Variants in NPAP1 observed in about 807,000 individuals in gnomAD.
NPAP1 encodes nuclear pore-associated protein 1.
For synonymous variants in NPAP1, 616 were observed against 581.4 expected, an observed-to-expected ratio of 1.06 and a Z score of -0.86; for missense variants, 1,483 against 1,454.5, an observed-to-expected ratio of 1.02 and a Z score of -0.32.
Position 24,677,999 on chromosome 15 carries a change from T to C in NPAP1, c.2132T>C (p.Leu711Ser), listed in dbSNP as rs2141311592. The C allele has an allele frequency of 6.2e-7, 1 of 1,614,108 alleles. No individual in the cohort carries two copies. Among genetic ancestry groups the C allele is most frequent in the Middle Eastern group, 1.6e-4 (1 of 6,062 alleles). Residue 711 changes from leucine (L) to serine (S), a missense_variant, in exon 1 of 1, where the codon TTG becomes TCG. Physicochemically the swap from Leu to Ser is moderately radical, Grantham distance 145. Coordinates refer to ENST00000329468, the MANE Select transcript of NPAP1 (RefSeq NM_018958.3). ...ACTCCTCCTTCCAAGGCTGTCATCT[T>C]GCAGTCTGCCTCTGTCTCCAAGAAG... is the stretch of plus-strand genomic sequence containing the variant. ...HTTPPSKAVILQSASVSKKYL... is the reference protein window; with the variant it reads ...HTTPPSKAVISQSASVSKKYL...
At position 24,676,301 on chromosome 15, in the gene NPAP1, T is replaced by C. The variant is rs2141307718; in HGVS notation, c.434T>C (p.Leu145Pro). ...GCCAGGAAGCCCATCCCAGCCACTC[T>C]CCTGGAGGAGACCGAGGTGTGGGCC... ...VKARKPIPAT[L>P]LEETEVWAQE... The change falls in exon 1 of 1, where the codon CTC becomes CCC. Residue 145 changes from leucine to proline, a missense_variant. Transcript: ENST00000329468. 6.6e-7 allele frequency: 1 copy of C among 1,523,094 alleles called. No individual in the cohort carries two copies. Among genetic ancestry groups the C allele is most frequent in the Non-Finnish European group, 8.8e-7 (1 of 1,138,148 alleles). 94.3% of individuals were successfully genotyped at this position (1,523,094 alleles called of 1,614,324 possible).
rs752566613 is a variant in NPAP1 at position 24,679,088 on chromosome 15, G to A, written c.3221G>A (p.Ser1074Asn). The A allele has an allele frequency of 6.2e-7, 1 of 1,614,198 alleles. No homozygotes were observed. The highest frequency in any genetic ancestry group is 8.5e-7 in the Non-Finnish European group (1 of 1,180,044). ...HSMAAAPQGASNIPVFGYTSA... is the reference protein window; with the variant it reads ...HSMAAAPQGANNIPVFGYTSA... ...ATGGCTGCTGCACCACAAGGGGCTA[G>A]CAACATTCCTGTATTTGGATATACT... The change falls in exon 1 of 1, where the codon AGC (serine) becomes AAC (asparagine). Residue 1074 changes from serine to asparagine, a missense_variant. Transcript: ENST00000329468.
At position 24,676,993 on chromosome 15, in the gene NPAP1, A is replaced by G. The variant is rs773205294; in HGVS notation, c.1126A>G (p.Lys376Glu). 7 of 1,613,810 alleles carry G rather than the reference A, an allele frequency of 4.3e-6. No individual in the cohort carries two copies. Among genetic ancestry groups the G allele is most frequent in the Non-Finnish European group, 5.9e-6 (7 of 1,180,032 alleles). ...LHTLEKSPEY[K>E]RNSRILEDKT... is the part of the protein sequence containing the mutation. The stretch of plus-strand genomic sequence containing the variant: ...CACCTTGGAGAAGAGCCCTGAGTAT[A>G]AAAGGAATAGCAGAATCTTGGAGGA... Residue 376 changes from lysine to glutamate, a missense_variant, in exon 1 of 1, where the codon AAA (lysine) becomes GAA (glutamate). Lys to Glu is a moderately conservative substitution (Grantham distance 56, BLOSUM62 1). Transcript: ENST00000329468.
the NPAP1 span, chr15:24,676,524 CAGCATGAGTGAGA>C: frequency 6.2e-7 from 1 of 1,614,152 alleles, no homozygotes; most frequent in Non-Finnish European, 8.5e-7. Context: ...TCTCAGAAAA[CAGCATGAGTGAGA>C]AGGCCCAGGC....
Position 24,681,519 on chromosome 15 carries a change from A to C in NPAP1, c.*2181A>C, listed in dbSNP as rs2049016427. The C allele has an allele frequency of 6.0e-6, 1 of 166,932 alleles. No homozygotes were observed. Among genetic ancestry groups the C allele is most frequent in the Non-Finnish European group, 1.5e-5 (1 of 68,120 alleles). 10.3% of individuals were successfully genotyped at this position (166,932 alleles called of 1,614,324 possible). On this transcript the variant is annotated 3_prime_UTR_variant, in exon 1 of 1. Coordinates refer to ENST00000329468, the MANE Select transcript of NPAP1 (RefSeq NM_018958.3). ...TGGGGAGGTGATTAGGTTTAGATGAAGTCATGAAAATGAAACCCCCATGAT... is the reference window on the plus strand; with the variant it reads ...TGGGGAGGTGATTAGGTTTAGATGACGTCATGAAAATGAAACCCCCATGAT...
chr15:24,676,181 C>T lies in NPAP1; in HGVS notation c.314C>T (p.Pro105Leu), dbSNP rs547726384. 27 of 1,571,972 alleles carry T rather than the reference C, an allele frequency of 1.7e-5. No homozygotes were observed. The South Asian group carries it at 3.1e-4, about 18-fold the overall frequency. ...RKTPMLPARN[P>L]PRFGHPSSVR... ...ACACCCATGCTGCCTGCTCGGAACC[C>T]CCCGAGGTTTGGACACCCCAGTTCC... Residue 105 changes from proline to leucine, a missense_variant, in exon 1 of 1, where the codon CCC becomes CTC. Physicochemically the swap from Pro to Leu is moderately conservative, Grantham distance 98. Coordinates refer to ENST00000329468, the MANE Select transcript of NPAP1 (RefSeq NM_018958.3).
rs1294396014 is a variant in NPAP1 at position 24,677,704 on chromosome 15, C to T, written c.1837C>T (p.His613Tyr). 1 of 1,614,062 alleles carries T rather than the reference C, an allele frequency of 6.2e-7. No individual in the cohort carries two copies. The highest frequency in any genetic ancestry group is 1.3e-5 in the African/African-American group (1 of 74,924). ...AATACATTGCAGTGCAGAGCAGAGGCACCCGGGAAAGACATCAGTCTACAC... is the reference window on the plus strand; with the variant it reads ...AATACATTGCAGTGCAGAGCAGAGGTACCCGGGAAAGACATCAGTCTACAC... ...SQIHCSAEQR[H>Y]PGKTSVYTSP... Residue 613 changes from histidine to tyrosine, a missense_variant, in exon 1 of 1, where the codon CAC (histidine) becomes TAC (tyrosine). His to Tyr is a moderately conservative substitution (Grantham distance 83, BLOSUM62 2). Transcript: ENST00000329468.
In NPAP1 at chr15:24,677,042, G is replaced by A. The variant is rs769296954; in HGVS notation, c.1175G>A (p.Ser392Asn). The A allele has an allele frequency of 1.2e-6, 2 of 1,613,848 alleles. No individual in the cohort carries two copies. Among genetic ancestry groups the A allele is most frequent in the African/African-American group, 2.7e-5 (2 of 74,878 alleles). ...LEDKTETMTNSSITQPAPSFS... is the reference protein window; with the variant it reads ...LEDKTETMTNNSITQPAPSFS... ...GATAAAACAGAGACCATGACAAACA[G>A]CAGCATCACCCAGCCTGCCCCTTCT... The change falls in exon 1 of 1, where the codon AGC becomes AAC. Residue 392 changes from serine (S) to asparagine (N), a missense_variant. Coordinates refer to ENST00000329468, the MANE Select transcript of NPAP1 (RefSeq NM_018958.3).
In NPAP1 at chr15:24,680,866, G is replaced by C. The variant is rs1194415725; in HGVS notation, c.*1528G>C. On this transcript the variant is annotated 3_prime_UTR_variant, in exon 1 of 1. Coordinates refer to ENST00000329468, the MANE Select transcript of NPAP1 (RefSeq NM_018958.3). ...TGGAAATTATCTGGTAAATTAGCCAGTAACGAATGCTATGAAAAATAAAGA... is the reference window on the plus strand; with the variant it reads ...TGGAAATTATCTGGTAAATTAGCCACTAACGAATGCTATGAAAAATAAAGA... 1.2e-5 allele frequency: 2 copies of C among 166,980 alleles called. No homozygotes were observed. The highest frequency in any genetic ancestry group is 2.9e-5 in the Non-Finnish European group (2 of 68,120). The allele number at this position is 166,980 out of a possible 1,614,324, so 10.3% of individuals were successfully genotyped here. A position where few individuals can be genotyped will look rare whatever the true frequency, so the allele number is the denominator to read the frequency against.
At position 24,678,722 on chromosome 15, in the gene NPAP1, A is replaced by G. The variant is rs1001161563; in HGVS notation, c.2855A>G (p.Tyr952Cys). ...PPGFAELTSP[Y>C]TALGTPVNAE... ...GGTTTTGCAGAGTTAACATCACCAT[A>G]TACTGCATTGGGCACACCTGTTAAT... The change falls in exon 1 of 1, where the codon TAT becomes TGT. Residue 952 changes from tyrosine (Y) to cysteine (C), a missense_variant. Transcript: ENST00000329468. 6.2e-7 allele frequency: 1 copy of G among 1,614,202 alleles called. No homozygotes were observed. Among genetic ancestry groups the G allele is most frequent in the Non-Finnish European group, 8.5e-7 (1 of 1,180,042 alleles).
Position 24,677,319 on chromosome 15 carries a change from T to C in NPAP1, c.1452T>C (p.Tyr484=). The C allele has an allele frequency of 6.2e-7, 1 of 1,614,194 alleles. No homozygotes were observed. Among genetic ancestry groups the C allele is most frequent in the Non-Finnish European group, 8.5e-7 (1 of 1,180,030 alleles). Residue 484 remains tyrosine (Y), a synonymous_variant, in exon 1 of 1, where the codon TAT becomes TAC. Coordinates refer to ENST00000329468, the MANE Select transcript of NPAP1 (RefSeq NM_018958.3). ...GDQSNEKGGS[Y]NSVVGAAPLT... is the part of the protein sequence containing the mutation. Reference sequence around the variant, plus strand: ...AGTCTAATGAGAAAGGAGGCTCTTATAATTCAGTCGTAGGAGCAGCGCCTC... The same window carrying C: ...AGTCTAATGAGAAAGGAGGCTCTTACAATTCAGTCGTAGGAGCAGCGCCTC...
chr15:24,677,681 TAC>T, the NPAP1 span: 1 of 1,614,146 alleles, frequency 6.2e-7, no homozygotes, highest in South Asian at 1.1e-5. Context: ...AATTCCCAAA[TAC>T]ATTGCAGTGC....
the NPAP1 span, chr15:24,679,084 GC>G: frequency 1.2e-6 from 2 of 1,614,080 alleles, no homozygotes; most frequent in Admixed American, 3.3e-5. Flanking sequence ...ACCACAAGGG[GC>G]TAGCAACATT....
At chr15:24,679,153 C>T in the NPAP1 span, 1 of 1,614,222 alleles carries the variant, frequency 6.2e-7, no homozygotes, top group South Asian at 1.1e-5. Context: ...CCCACCTACC[C>T]AGAATTCATG....
Position 24,679,021 on chromosome 15 carries a change from T to G in NPAP1, c.3154T>G (p.Phe1052Val). The stretch of plus-strand genomic sequence containing the variant: ...TGGGACACCCAGCACCACTTCTGTT[T>G]TCCCATTTGGTCAGGCAGCCTGGGA... ...QSGTPSTTSVFPFGQAAWDPT... is the reference protein window; with the variant it reads ...QSGTPSTTSVVPFGQAAWDPT... Residue 1052 changes from phenylalanine to valine, a missense_variant, in exon 1 of 1, where the codon TTC becomes GTC. Physicochemically the swap from Phe to Val is conservative, Grantham distance 50. Transcript: ENST00000329468. 1.9e-6 allele frequency: 3 copies of G among 1,614,174 alleles called. No individual in the cohort carries two copies. The highest frequency in any genetic ancestry group is 3.3e-4 in the Middle Eastern group (2 of 6,062).
rs2048984990 is a variant in NPAP1 at position 24,677,519 on chromosome 15, C to T, written c.1652C>T (p.Thr551Met). 5.0e-6 allele frequency: 8 copies of T among 1,614,150 alleles called. No homozygotes were observed. Among genetic ancestry groups the T allele is most frequent in the East Asian group, 2.2e-5 (1 of 44,866 alleles). Residue 551 changes from threonine (T) to methionine (M), a missense_variant, in exon 1 of 1, where the codon ACG (threonine) becomes ATG (methionine). By Grantham distance (81) the Thr-to-Met change is moderately conservative (BLOSUM62 -1). Coordinates refer to ENST00000329468, the MANE Select transcript of NPAP1 (RefSeq NM_018958.3). The part of the protein sequence containing the change: ...SVITSKPMNS[T>M]SVISTVTTNA... ...ATCACCAGCAAGCCTATGAATTCCA[C>T]GTCAGTCATTTCCACTGTCACAACA...
rs370891610 is a variant in NPAP1 at position 24,679,361 on chromosome 15, C to T, written c.*23C>T. On this transcript the variant is annotated 3_prime_UTR_variant, in exon 1 of 1. Coordinates refer to ENST00000329468, the MANE Select transcript of NPAP1 (RefSeq NM_018958.3). ...TAAGAGCACCTGTGGTTCACCTGAT[C>T]ACACCACATCAGTTGTGGTTGTAAA... is the stretch of plus-strand genomic sequence containing the variant. The T allele has an allele frequency of 4.1e-5, 61 of 1,487,052 alleles. No homozygotes were observed. Among genetic ancestry groups the T allele is most frequent in the Non-Finnish European group, 5.5e-5 (59 of 1,070,992 alleles). 92.1% of individuals were successfully genotyped at this position (1,487,052 alleles called of 1,614,324 possible). A position where few individuals can be genotyped will look rare whatever the true frequency, so the allele number is the denominator to read the frequency against.
In NPAP1 at chr15:24,683,289, C is replaced by A; in HGVS notation, c.*3951C>A. Reference sequence around the variant, plus strand: ...GGACACAGCAGTAGGGTGGACGCGTCAGGTTATAAATGACCCTGTCTCCTT... The same window carrying A: ...GGACACAGCAGTAGGGTGGACGCGTAAGGTTATAAATGACCCTGTCTCCTT... On this transcript the variant is annotated 3_prime_UTR_variant, in exon 1 of 1. Transcript: ENST00000329468. 2 of 167,070 alleles carry A rather than the reference C, an allele frequency of 1.2e-5. No individual in the cohort carries two copies. The highest frequency in any genetic ancestry group is 3.9e-4 in the South Asian group (2 of 5,112). The allele number at this position is 167,070 out of a possible 1,614,324, so 10.3% of individuals were successfully genotyped here.
At position 24,677,359 on chromosome 15, in the gene NPAP1, C is replaced by G. The variant is rs776640672; in HGVS notation, c.1492C>G (p.Pro498Ala). The change falls in exon 1 of 1, where the codon CCA (proline) becomes GCA (alanine). Residue 498 changes from proline to alanine, a missense_variant. Pro to Ala is a conservative substitution (Grantham distance 27). Coordinates refer to ENST00000329468, the MANE Select transcript of NPAP1 (RefSeq NM_018958.3). ...VGAAPLTSDP[P>A]TPPSSTPSFK... ...AGCAGCGCCTCTCACTTCTGACCCC[C>G]CAACACCTCCTAGCTCCACACCCTC... 2.3e-5 allele frequency: 37 copies of G among 1,613,878 alleles called. No individual in the cohort carries two copies. Among genetic ancestry groups the G allele is most frequent in the South Asian group, 1.5e-4 (14 of 91,062 alleles).
Sources: allele counts gnomAD v4.1 joint callset, GRCh38; gene constraint gnomAD v4.1.1; transcripts MANE v1.5; gene names NCBI Gene and HGNC (gene_info 2026-07-23, HGNC 2026-07-21).